The following CDH4 variants were observed in gnomAD, a reference collection of about 807,000 sequenced individuals.
The protein encoded by CDH4 is cadherin 4.
CDH4 carries 33 observed loss-of-function variants against 86.0 expected under a neutral mutation model. That is an observed-to-expected ratio of 0.38 (90% confidence interval 0.29 to 0.51). The LOEUF (loss-of-function observed/expected upper bound fraction) is 0.51, where lower values mean the gene tolerates loss of function less well. Among genes scored for constraint, CDH4 ranks in the 20% least tolerant of loss-of-function variants. The pLI is 0.86. For missense variants in CDH4, 1,114 were observed against 1,307.4 expected, an observed-to-expected ratio of 0.85 and a Z score of 2.28; for synonymous variants, 555 against 549.4, an observed-to-expected ratio of 1.01 and a Z score of -0.14.
At chr20:61,576,871 C>T (rs1168364235) in intron 2 of CDH4, among the ~76,000 whole-genome samples, 1 of 152,218 alleles carries the variant, frequency 6.6e-6, no homozygotes, top group South Asian at 2.1e-4. Flanking sequence ...CCACAGTTAG[C>T]CCCATTAATC....
At chr20:61,502,064 G>C (rs764497743) in intron 2 of CDH4, among the ~76,000 whole-genome samples, 18 of 151,230 alleles carry the variant, frequency 1.2e-4, no homozygotes, top group Non-Finnish European at 2.1e-4. Context: ...GGTCAAACTT[G>C]TGCAAATGAA....
chr20:61,640,394 G>T (rs2086993093), intron 2 of CDH4, among the ~76,000 whole-genome samples: 1 of 152,226 alleles, frequency 6.6e-6, no homozygotes, highest in Non-Finnish European at 1.5e-5. Flanking sequence ...ATGCGAATCT[G>T]ACTCAGAAGA....
At chr20:61,415,728 C>T (rs2085143365) in intron 2 of CDH4, among the ~76,000 whole-genome samples, 2 of 152,152 alleles carry the variant, frequency 1.3e-5, no homozygotes, top group South Asian at 2.1e-4. Context: ...TAGACTGAGT[C>T]TTACTCTGTC....
chr20:61,332,540 G>A (rs1036343644), intron 2 of CDH4, among the ~76,000 whole-genome samples: 2 of 152,196 alleles, frequency 1.3e-5, no homozygotes, highest in Admixed American at 6.5e-5. Flanking sequence ...TGCCACTGCC[G>A]CCTCTGTGCC....
chr20:61,903,540 T>TTAAA lies in CDH4; in HGVS notation c.1189-6882_1189-6881insTAAA, dbSNP rs386394189. Reference sequence around the variant, plus strand: ...AGCGTGGGCAGCAGAAGAGACTCCATAAAAAAAAAAAAAAAAAAAGTGTAA... The same window carrying TTAAA: ...AGCGTGGGCAGCAGAAGAGACTCCATTAAAAAAAAAAAAAAAAAAAAAAGTGTAA... On this transcript the variant is annotated intron_variant, in intron 8 of 15. Transcript: ENST00000614565. Among the ~76,000 whole-genome samples, 664 of 90,890 alleles carry TTAAA rather than the reference T, an allele frequency of 7.3e-3. 12 individuals carry two copies. The highest frequency in any genetic ancestry group is 0.027 in the African/African-American group (572 of 21,134). 59.6% of individuals were successfully genotyped at this position (90,890 alleles called of 152,430 possible).
intron 4 of CDH4, among the ~76,000 whole-genome samples, chr20:61,786,264 G>T (rs1361412117): frequency 6.6e-6 from 1 of 152,120 alleles, no homozygotes; most frequent in South Asian, 2.1e-4. Flanking sequence ...GGCAGGAGGG[G>T]CGGCTACACA....
intron 4 of CDH4, among the ~76,000 whole-genome samples, chr20:61,788,803 A>G (rs758204392): frequency 1.3e-5 from 2 of 152,236 alleles, no homozygotes; most frequent in Non-Finnish European, 2.9e-5. Context: ...AAACAAGGGC[A>G]TGGGAGACGA....
At chr20:61,292,623 C>T (rs2084329018) in intron 2 of CDH4, among the ~76,000 whole-genome samples, 1 of 152,232 alleles carries the variant, frequency 6.6e-6, no homozygotes, top group Non-Finnish European at 1.5e-5. Context: ...AGAGGACGGC[C>T]CAGCCCCAGC....
At chr20:61,710,449 G>C (rs531197642) in intron 2 of CDH4, among the ~76,000 whole-genome samples, 1 of 152,224 alleles carries the variant, frequency 6.6e-6, no homozygotes, top group African/African-American at 2.4e-5. Flanking sequence ...CTGAGTCCTC[G>C]CTCCTGCGGC....
intron 8 of CDH4, among the ~76,000 whole-genome samples, chr20:61,903,284 G>A (rs142013361): frequency 1.6e-3 from 243 of 152,178 alleles, no homozygotes; most frequent in Middle Eastern, 3.4e-3. Context: ...GGTGGCTCAC[G>A]CCTGTAATCC....
intron 2 of CDH4, among the ~76,000 whole-genome samples, chr20:61,413,941 C>T (rs544814820): frequency 4.6e-5 from 7 of 152,292 alleles, no homozygotes; most frequent in South Asian, 2.1e-4. Flanking sequence ...TCCAAGTCCA[C>T]GGTGTCTGCA....
At chr20:61,614,695 G>GA (rs1024354488) in intron 2 of CDH4, among the ~76,000 whole-genome samples, 1 of 152,094 alleles carries the variant, frequency 6.6e-6, no homozygotes, top group East Asian at 1.9e-4. Flanking sequence ...GAGAATGTAA[G>GA]AAAAAAGCAA....
intron 2 of CDH4, among the ~76,000 whole-genome samples, chr20:61,593,059 G>A (rs1286444911): frequency 6.6e-6 from 1 of 152,168 alleles, no homozygotes; most frequent in Non-Finnish European, 1.5e-5. Context: ...AGGTCAAGGT[G>A]ACATGGAAGA....
intron 2 of CDH4, among the ~76,000 whole-genome samples, chr20:61,360,929 A>G (rs1600900537): frequency 6.6e-6 from 1 of 152,158 alleles, no homozygotes; most frequent in East Asian, 1.9e-4. Flanking sequence ...GAGGCAAACA[A>G]AAGGAACAGC....
intron 2 of CDH4, among the ~76,000 whole-genome samples, chr20:61,486,821 C>A (rs1034289411): frequency 3.9e-5 from 6 of 152,098 alleles, no homozygotes; most frequent in African/African-American, 1.4e-4. Flanking sequence ...CCCAGGAGTT[C>A]AAGGTTCCAA....
chr20:61,848,266 G>A (rs1982549940), intron 5 of CDH4, among the ~76,000 whole-genome samples: 1 of 152,234 alleles, frequency 6.6e-6, no homozygotes, highest in Admixed American at 6.5e-5. Context: ...GCCCAGGGCG[G>A]TGGGGGTGGG....
chr20:61,402,764 A>G lies in CDH4; in HGVS notation c.169+147827A>G, dbSNP rs147860733. On this transcript the variant is annotated intron_variant, in intron 2 of 15. Transcript: ENST00000614565. ...ATGGATATGGAACCCATGGATATGG[A>G]GGGCTGACTATCTACATAGCATCTT... 6.0e-3 allele frequency among the ~76,000 whole-genome samples: 908 copies of G among 152,344 alleles called. 2 individuals carry two copies. Among genetic ancestry groups the G allele is most frequent in the African/African-American group, 8.8e-3 (365 of 41,584 alleles).
intron 2 of CDH4, among the ~76,000 whole-genome samples, chr20:61,465,188 G>T (rs1164726635): frequency 6.6e-6 from 1 of 152,214 alleles, no homozygotes; most frequent in Admixed American, 6.5e-5. Flanking sequence ...ATCTGCCAGA[G>T]AACTTGCTGG....
intron 6 of CDH4, among the ~76,000 whole-genome samples, chr20:61,870,890 A>T (rs1983774728): frequency 6.6e-6 from 1 of 152,190 alleles, no homozygotes; most frequent in South Asian, 2.1e-4. Context: ...TTGCAAATGA[A>T]ATTCTGCAGG....
Sources: gnomAD v4.1 joint callset for allele counts (sites outside exome capture counted in the v4.1 genomes callset) on GRCh38, gnomAD v4.1.1 for gene constraint, MANE v1.5 for transcripts, NCBI Gene and HGNC (gene_info 2026-07-23, HGNC 2026-07-21) for gene names.